Variants in APBA1 observed in about 807,000 individuals in gnomAD.
APBA1 encodes the protein amyloid beta precursor protein binding family A member 1.
APBA1 carries 55 observed loss-of-function variants against 86.6 expected under a neutral mutation model. That is an observed-to-expected ratio of 0.64 (90% CI 0.51 to 0.80). The LOEUF (loss-of-function observed/expected upper bound fraction) is 0.80, where lower values mean the gene tolerates loss of function less well. Ranked by LOEUF, APBA1 falls within the 30% of genes least tolerant of loss-of-function variation. The pLI, the probability that APBA1 is intolerant of heterozygous loss-of-function variation, is 0.00. For synonymous variants in APBA1, 511 were observed against 493.9 expected (o/e 1.03, Z -0.46); for missense variants, 1,090 against 1,183.0 (o/e 0.92, Z 1.15).
chr9:69,450,216 G>A (rs1435528727), intron 9 of APBA1, among the ~76,000 whole-genome samples: 1 of 151,732 alleles, frequency 6.6e-6, no homozygotes, highest in Non-Finnish European at 1.5e-5. Context: ...AATTCGCTCC[G>A]ACATTTAATT....
intron 1 of APBA1, among the ~76,000 whole-genome samples, chr9:69,607,291 G>C (rs1822495437): frequency 2.0e-5 from 3 of 152,184 alleles, no homozygotes; most frequent in Admixed American, 6.5e-5. Context: ...GCAGGCAAGA[G>C]AGCTTGTGCA....
intron 1 of APBA1, among the ~76,000 whole-genome samples, chr9:69,557,822 G>T (rs1017909292): frequency 1.3e-5 from 2 of 152,178 alleles, no homozygotes; most frequent in Admixed American, 6.5e-5. Context: ...ACCCTTTACT[G>T]ATACTCCTTT....
intron 1 of APBA1, among the ~76,000 whole-genome samples, chr9:69,585,985 A>G (rs1167112177): frequency 6.6e-6 from 1 of 152,104 alleles, no homozygotes; most frequent in African/African-American, 2.4e-5. Context: ...ACCTATGAAT[A>G]TGTTTGCCTC....
intron 1 of APBA1, among the ~76,000 whole-genome samples, chr9:69,648,342 C>G (rs1823430881): frequency 6.6e-6 from 1 of 152,206 alleles, no homozygotes; most frequent in African/African-American, 2.4e-5. Context: ...CACCCTGATA[C>G]ACGGAAAGCA....
chr9:69,476,121 G>A lies in APBA1; in HGVS notation c.1223C>T (p.Ser408Phe). Reference sequence around the variant, plus strand: ...GCTTGATGACTCTGCACCCAAGGGGGAGGAGCTGCCAGGAGACGGAGACTA... The same window carrying A: ...GCTTGATGACTCTGCACCCAAGGGGAAGGAGCTGCCAGGAGACGGAGACTA... ...DGDSPSPGSS[S>F]PLGAESSSTS... Residue 408 changes from serine to phenylalanine, a missense_variant, in exon 3 of 13, where the codon TCC becomes TTC. By Grantham distance (155) the Ser-to-Phe change is radical (BLOSUM62 -2). Around this residue, in one of 6 missense-constraint regions of APBA1, gnomAD observed 678 missense variants for 647.1 expected, o/e 1.05. Transcript: ENST00000265381. The A allele has an allele frequency of 1.2e-6, 2 of 1,613,932 alleles. No individual in the cohort carries two copies. Among genetic ancestry groups the A allele is most frequent in the African/African-American group, 1.3e-5 (1 of 75,052 alleles).
rs150315898 is a variant in APBA1 at position 69,513,563 on chromosome 9, G to A, written c.1200+2448C>T. Among the ~76,000 whole-genome samples, 55 of 152,354 alleles carry A rather than the reference G, an allele frequency of 3.6e-4. 1 individual carries two copies. The highest frequency in any genetic ancestry group is 1.5e-3 in the Admixed American group (23 of 15,306). On this transcript the variant is annotated intron_variant, in intron 2 of 12. Transcript: ENST00000265381. Reference sequence around the variant, plus strand: ...TTGCTGCAATCCCTCCTAGCTGGGAGGAATCTGGAGACAGCTGGAGGTCAA... The same window carrying A: ...TTGCTGCAATCCCTCCTAGCTGGGAAGAATCTGGAGACAGCTGGAGGTCAA...
intron 1 of APBA1, among the ~76,000 whole-genome samples, chr9:69,525,900 G>A (rs535365725): frequency 3.9e-5 from 6 of 151,956 alleles, no homozygotes; most frequent in East Asian, 3.9e-4. Flanking sequence ...TAGAGAATTC[G>A]GAAAGAAAGC....
chr9:69,620,147 C>A (rs1009782456), intron 1 of APBA1, among the ~76,000 whole-genome samples: 4 of 152,214 alleles, frequency 2.6e-5, no homozygotes, highest in Non-Finnish European at 2.9e-5. Context: ...TTAGATCTGG[C>A]AGTTAGTACT....
At chr9:69,644,439 C>T (rs995734458) in intron 1 of APBA1, among the ~76,000 whole-genome samples, 11 of 152,242 alleles carry the variant, frequency 7.2e-5, no homozygotes, top group African/African-American at 2.7e-4. Flanking sequence ...TTCTCATCCC[C>T]CAAAATTCTT....
intron 1 of APBA1, among the ~76,000 whole-genome samples, chr9:69,524,642 C>G (rs1836314635): frequency 6.6e-6 from 1 of 151,876 alleles, no homozygotes; most frequent in African/African-American, 2.4e-5. Context: ...GGATTCACAG[C>G]TGAATTCTAC....
intron 1 of APBA1, among the ~76,000 whole-genome samples, chr9:69,548,032 C>T (rs987847663): frequency 1.3e-5 from 2 of 152,104 alleles, no homozygotes; most frequent in Non-Finnish European, 2.9e-5. Context: ...TCTGGGTGGC[C>T]CAACCTAATC....
chr9:69,522,280 A>G (rs1341494588), intron 1 of APBA1, among the ~76,000 whole-genome samples: 2 of 152,014 alleles, frequency 1.3e-5, no homozygotes, highest in Non-Finnish European at 1.5e-5. Flanking sequence ...TAGTAACTGA[A>G]AAAGGAAAAA....
At chr9:69,443,596 C>T (rs1025471025) in intron 10 of APBA1, among the ~76,000 whole-genome samples, 2 of 152,198 alleles carry the variant, frequency 1.3e-5, no homozygotes, top group African/African-American at 2.4e-5. Flanking sequence ...ACCAAAATGA[C>T]TGTAACTACC....
At chr9:69,460,698 C>T (rs1483553599) in intron 5 of APBA1, 1 of 151,126 alleles carries the variant, frequency 6.6e-6, no homozygotes, top group African/African-American at 2.4e-5. Flanking sequence ...GAAGAGGATC[C>T]AAAAGGCAAA....
chr9:69,469,858 G>A (rs930462775), intron 4 of APBA1, among the ~76,000 whole-genome samples: 2 of 152,154 alleles, frequency 1.3e-5, no homozygotes, highest in African/African-American at 4.8e-5. Context: ...GAAGAAGAAC[G>A]ATCTCATCTG....
intron 1 of APBA1, among the ~76,000 whole-genome samples, chr9:69,664,326 T>G (rs1251523877): frequency 6.6e-6 from 1 of 152,192 alleles, no homozygotes; most frequent in East Asian, 1.9e-4. Context: ...AAGTGCTGGG[T>G]TGCAGAGATC....
At chr9:69,581,379 C>T (rs1169603183) in intron 1 of APBA1, among the ~76,000 whole-genome samples, 2 of 63,444 alleles carry the variant, frequency 3.2e-5, no homozygotes, top group African/African-American at 9.3e-5. Context: ...CACTACATTT[C>T]TCTGAAGGTA....
chr9:69,495,465 G>A (rs1035960466), intron 2 of APBA1, among the ~76,000 whole-genome samples: 2 of 151,976 alleles, frequency 1.3e-5, no homozygotes, highest in South Asian at 2.1e-4. Flanking sequence ...CTCAGTACTC[G>A]TGTGAGTTGT....
chr9:69,667,488 T>C (rs948867278), intron 1 of APBA1, among the ~76,000 whole-genome samples: 3 of 151,576 alleles, frequency 2.0e-5, no homozygotes, highest in Non-Finnish European at 2.9e-5. Flanking sequence ...TTGACCTCAC[T>C]TAAAAGACTG....
Sources: gnomAD v4.1 joint callset for allele counts (sites outside exome capture counted in the v4.1 genomes callset) on GRCh38, gnomAD v4.1.1 for gene constraint, gnomAD v4.1.1 regional missense constraint, MANE v1.5 for transcripts, NCBI Gene and HGNC (gene_info 2026-07-23, HGNC 2026-07-21) for gene names.